ZSCAN20: variants seen among roughly 807,000 people sequenced by gnomAD.
The protein encoded by ZSCAN20 is zinc finger and SCAN domain-containing protein 20.
In ZSCAN20, 39 loss-of-function variants were observed where a neutral mutation model predicts 97.1. The observed-to-expected ratio is 0.40, with a 90% CI of 0.31 to 0.52. ZSCAN20 has a LOEUF of 0.52. Ranked by LOEUF, ZSCAN20 falls within the 20% of genes least tolerant of loss-of-function variation. The pLI is 0.49. For missense variants in ZSCAN20, 1,115 were observed against 1,290.4 expected (o/e 0.86, Z 2.08); for synonymous variants, 456 against 467.3 (o/e 0.98, Z 0.31).
At position 33,501,624 on chromosome 1, in the gene ZSCAN20, T is replaced by TA. The variant is rs1653077415; in HGVS notation, c.*6149dup. Among the ~76,000 whole-genome samples, 1 of 150,814 alleles carries TA rather than the reference T, an allele frequency of 6.6e-6. No individual in the cohort carries two copies. The highest frequency in any genetic ancestry group is 1.5e-5 in the Non-Finnish European group (1 of 67,886). Reference sequence around the variant, plus strand: ...GGAATGGCCTGATAAGTTAATAAATTATATTAAACTGCCAAAAAAGGAATG... The same window carrying TA: ...GGAATGGCCTGATAAGTTAATAAATTAATATTAAACTGCCAAAAAAGGAATG... On this transcript the variant is annotated 3_prime_UTR_variant, in exon 8 of 8. Coordinates refer to ENST00000684572, the MANE Select transcript of ZSCAN20 (RefSeq NM_001377376.1).
At chr1:33,488,385 T>G in intron 2 of ZSCAN20, 80 bp from the exon 3 acceptor site, 3 of 1,422,018 alleles carry the variant, frequency 2.1e-6, no homozygotes, top group Non-Finnish European at 2.9e-6. Flanking sequence ...CCTGTTAGCC[T>G]CTGGACTGCA....
intron 5 of ZSCAN20, 68 bp from the exon 6 acceptor site, chr1:33,490,956 AG>A: frequency 7.0e-7 from 1 of 1,422,450 alleles, no homozygotes; most frequent in Non-Finnish European, 9.5e-7. Context: ...TAGAAGTTTC[AG>A]GGAGATTTTG....
rs998715267 is a variant in ZSCAN20, at chr1:33,496,987, C to T, written c.*1511C>T. ...GTTTAAAACTGTTGACCAAGGACTT[C>T]GGTTTCCATAGGACTTTAAAGGAAA... On this transcript the variant is annotated 3_prime_UTR_variant, in exon 8 of 8. Transcript: ENST00000684572. Among the ~76,000 whole-genome samples the T allele has an allele frequency of 3.3e-5, 5 of 152,174 alleles. No homozygotes were observed. Among genetic ancestry groups the T allele is most frequent in the East Asian group, 3.9e-4 (2 of 5,194 alleles).
In ZSCAN20 at chr1:33,479,603, G is replaced by C. The variant is rs761340212; in HGVS notation, c.315G>C (p.Arg105Ser). Reference protein sequence around the residue: ...VLEQFLTILPREVQTWVQARH... With the variant: ...VLEQFLTILPSEVQTWVQARH... ...AGCAGTTCCTGACTATCTTGCCTAG[G>C]GAGGTCCAGACCTGGGTGCAGGCAC... is the stretch of plus-strand genomic sequence containing the variant. The change falls in exon 2 of 8, where the codon AGG becomes AGC. Residue 105 changes from arginine (R) to serine (S), a missense_variant. Coordinates refer to ENST00000684572, the MANE Select transcript of ZSCAN20 (RefSeq NM_001377376.1). 2 of 1,613,728 alleles carry C rather than the reference G, an allele frequency of 1.2e-6. No homozygotes were observed. Among genetic ancestry groups the C allele is most frequent in the South Asian group, 2.2e-5 (2 of 91,032 alleles).
At chr1:33,480,247 G>A (rs779341157) in intron 2 of ZSCAN20, among the ~76,000 whole-genome samples, 4 of 152,164 alleles carry the variant, frequency 2.6e-5, no homozygotes, top group African/African-American at 9.7e-5. Flanking sequence ...GGTGGCTCAC[G>A]CCTGTAATCC....
At position 33,491,729 on chromosome 1, in the gene ZSCAN20, T is replaced by G; in HGVS notation, c.1444+27T>G. The G allele has an allele frequency of 6.5e-7, 1 of 1,533,346 alleles. No homozygotes were observed. The highest frequency in any genetic ancestry group is 8.8e-7 in the Non-Finnish European group (1 of 1,142,758). 95.0% of individuals were successfully genotyped at this position (1,533,346 alleles called of 1,614,324 possible). A position where few individuals can be genotyped will look rare whatever the true frequency, so the allele number is the denominator to read the frequency against. ...TAAGAACATGGGGGTTTAGTCAGATTCAGATTTCCAACCCTCCTACCAGCT... is the reference window on the plus strand; with the variant it reads ...TAAGAACATGGGGGTTTAGTCAGATGCAGATTTCCAACCCTCCTACCAGCT... On this transcript the variant is annotated intron_variant, in intron 6 of 7. Transcript: ENST00000684572. This position sits in a 1 kb window ranked among gnomAD's most constrained non-coding sequence, Gnocchi z 4.3.
At chr1:33,489,057 G>C (rs1450914074) in intron 3 of ZSCAN20, 58 bp from the exon 4 acceptor site, 2 of 1,470,168 alleles carry the variant, frequency 1.4e-6, no homozygotes, top group African/African-American at 2.8e-5. Context: ...CAATCTCAAA[G>C]GGAGGTGATT....
chr1:33,485,090 T>C lies in ZSCAN20; in HGVS notation c.418-3375T>C, dbSNP rs148074914. 2.1e-3 allele frequency among the ~76,000 whole-genome samples: 325 copies of C among 152,356 alleles called. 2 individuals are homozygous for C. The highest frequency in any genetic ancestry group is 7.6e-3 in the African/African-American group (314 of 41,588). The stretch of plus-strand genomic sequence containing the variant: ...ATAGTAGAGAATTGTTATAATTTCT[T>C]CCTTAAATGTTTGGTAGAATTCACC... On this transcript the variant is annotated intron_variant, in intron 2 of 7. Coordinates refer to ENST00000684572, the MANE Select transcript of ZSCAN20 (RefSeq NM_001377376.1).
intron 1 of ZSCAN20, among the ~76,000 whole-genome samples, chr1:33,478,848 C>T (rs559820437): frequency 2.6e-5 from 4 of 152,272 alleles, no homozygotes; most frequent in African/African-American, 7.2e-5. Flanking sequence ...GGTGTTCAGG[C>T]ATGACCTAGA....
In ZSCAN20 at chr1:33,495,472, C is replaced by T. The variant is rs755095259; in HGVS notation, c.3128C>T (p.Ser1043Leu). The T allele has an allele frequency of 1.7e-5, 25 of 1,512,592 alleles. 1 individual carries two copies. The South Asian group carries it at 2.1e-4, about 12-fold the overall frequency. The allele number at this position is 1,512,592 out of a possible 1,614,324, so 93.7% of individuals were successfully genotyped here. A position where few individuals can be genotyped will look rare whatever the true frequency, so the allele number is the denominator to read the frequency against. ...AGAACCCATGCAGGAGGGAAGGCGT[C>T]GTAGGGGACAGTTTCCTCAACAACA... is the stretch of plus-strand genomic sequence containing the variant. Reference protein sequence around the residue: ...HRRTHAGGKAS With the variant: ...HRRTHAGGKAL Residue 1043 changes from serine to leucine, a missense_variant, in exon 8 of 8, where the codon TCG (serine) becomes TTG (leucine). Ser to Leu is a moderately radical substitution (Grantham distance 145). Coordinates refer to ENST00000684572, the MANE Select transcript of ZSCAN20 (RefSeq NM_001377376.1).
At position 33,495,351 on chromosome 1, in the gene ZSCAN20, A is replaced by G. The variant is rs770096234; in HGVS notation, c.3007A>G (p.Ile1003Val). 6 of 1,613,464 alleles carry G rather than the reference A, an allele frequency of 3.7e-6. No individual in the cohort carries two copies. In the East Asian group the frequency reaches 1.1e-4, roughly 30 times the overall value. The change falls in exon 8 of 8, where the codon ATT becomes GTT. Residue 1003 changes from isoleucine (I) to valine (V), a missense_variant. Ile to Val is a conservative substitution (Grantham distance 29). This residue lies in a region of ZSCAN20 where 554 missense variants were observed against 584.9 expected (regional missense o/e 0.95). Coordinates refer to ENST00000684572, the MANE Select transcript of ZSCAN20 (RefSeq NM_001377376.1). ...GKCFNQSSSLIIHQRIHTGEK... is the reference protein window; with the variant it reads ...GKCFNQSSSLVIHQRIHTGEK... ...ATGCTTTAACCAGAGCTCCAGTCTT[A>G]TTATTCACCAGAGAATCCACACAGG...
Position 33,494,226 on chromosome 1 carries a change from A to G in ZSCAN20, c.1882A>G (p.Met628Val). ...CPKAPDMGFE[M>V]RHEDEDQISE... ...TCTGTCCATTTTTTCAGGTTTTGAA[A>G]TGAGGCATGAGGATGAAGACCAGAT... The change falls in exon 8 of 8, where the codon ATG becomes GTG. Residue 628 changes from methionine (M) to valine (V), a missense_variant. Transcript: ENST00000684572. 1 of 1,558,294 alleles carries G rather than the reference A, an allele frequency of 6.4e-7. No individual in the cohort carries two copies. The highest frequency in any genetic ancestry group is 8.7e-7 in the Non-Finnish European group (1 of 1,154,638).
chr1:33,495,018 A>G lies in ZSCAN20; in HGVS notation c.2674A>G (p.Ser892Gly). Residue 892 changes from serine (S) to glycine (G), a missense_variant, in exon 8 of 8, where the codon AGT becomes GGT. Coordinates refer to ENST00000684572, the MANE Select transcript of ZSCAN20 (RefSeq NM_001377376.1). ...RSFSKSSALI[S>G]HQRIHTGEKP... ...CTTCTCTAAGAGCTCTGCCCTCATT[A>G]GTCACCAAAGAATCCATACGGGAGA... 1 of 1,614,066 alleles carries G rather than the reference A, an allele frequency of 6.2e-7. No individual in the cohort carries two copies.
rs766238622 is a variant in ZSCAN20 at position 33,479,628 on chromosome 1, C to A, written c.340C>A (p.Arg114Ser). Residue 114 changes from arginine (R) to serine (S), a missense_variant, in exon 2 of 8, where the codon CGC (arginine) becomes AGC (serine). Transcript: ENST00000684572. The stretch of plus-strand genomic sequence containing the variant: ...GGAGGTCCAGACCTGGGTGCAGGCA[C>A]GCCACCCTGAGAGTGGTGAGGAGGC... ...PREVQTWVQA[R>S]HPESGEEAVA... is the part of the protein sequence containing the mutation. The A allele has an allele frequency of 6.2e-7, 1 of 1,611,578 alleles. No homozygotes were observed.
chr1:33,488,602 T>G lies in ZSCAN20; in HGVS notation c.555T>G (p.Leu185=). 1 of 1,613,296 alleles carries G rather than the reference T, an allele frequency of 6.2e-7. No homozygotes were observed. The highest frequency in any genetic ancestry group is 8.5e-7 in the Non-Finnish European group (1 of 1,179,738). ...GGGTGAAGAATACATGCCCTGACCT[T>G]CCCAATCACCTAAATGCCGAGGTGG... ...KKGVKNTCPD[L]PNHLNAEVAP... The change falls in exon 3 of 8, where the codon CTT becomes CTG. Residue 185 remains leucine (L), a synonymous_variant. Transcript: ENST00000684572.
Position 33,491,643 on chromosome 1 carries a change from T to C in ZSCAN20, c.1385T>C (p.Val462Ala). The change falls in exon 6 of 8, where the codon GTT becomes GCT. Residue 462 changes from valine (V) to alanine (A), a missense_variant. Coordinates refer to ENST00000684572, the MANE Select transcript of ZSCAN20 (RefSeq NM_001377376.1). This position sits in a 1 kb window ranked among gnomAD's most constrained non-coding sequence, Gnocchi z 4.3. ...EDCNGAGLVN[V>A]ESTQGPRIAG... ...TGTAACGGTGCTGGCCTGGTCAATG[T>C]TGAGTCTACCCAGGGGCCCAGGATT... 1.2e-6 allele frequency: 2 copies of C among 1,613,976 alleles called. No homozygotes were observed. Among genetic ancestry groups the C allele is most frequent in the Non-Finnish European group, 1.7e-6 (2 of 1,179,932 alleles).
Position 33,475,919 on chromosome 1 carries a change from C to T in ZSCAN20, c.-111+3228C>T, listed in dbSNP as rs529682875. ...TCCTGACCTTGTGATCTCCCTGCCT[C>T]GGCCTCCCAAAGTGCTGGGATTACA... On this transcript the variant is annotated intron_variant, in intron 1 of 7. Transcript: ENST00000684572. 2.4e-4 allele frequency among the ~76,000 whole-genome samples: 36 copies of T among 152,044 alleles called. No homozygotes were observed. The South Asian group carries it at 3.5e-3, about 15-fold the overall frequency.
chr1:33,497,654 G>A lies in ZSCAN20; in HGVS notation c.*2178G>A, dbSNP rs1034555280. Among the ~76,000 whole-genome samples, 6 of 152,120 alleles carry A rather than the reference G, an allele frequency of 3.9e-5. No individual in the cohort carries two copies. The highest frequency in any genetic ancestry group is 1.4e-4 in the African/African-American group (6 of 41,426). On this transcript the variant is annotated 3_prime_UTR_variant, in exon 8 of 8. Coordinates refer to ENST00000684572, the MANE Select transcript of ZSCAN20 (RefSeq NM_001377376.1). ...ATGCTGCAATTAGGATGGCCTTTTG[G>A]GACACTGTTGTGGTATTTCAGCTAA...
chr1:33,499,392 T>C lies in ZSCAN20; in HGVS notation c.*3916T>C, dbSNP rs752249750. Among the ~76,000 whole-genome samples the C allele has an allele frequency of 2.6e-5, 4 of 151,682 alleles. No homozygotes were observed. The highest frequency in any genetic ancestry group is 5.9e-5 in the Non-Finnish European group (4 of 67,888). ...TCTCTCTTTTCTTCTGTGTAGATGC[T>C]AATGACTTCCAGATCTGTGTCCTGC... is the stretch of plus-strand genomic sequence containing the variant. On this transcript the variant is annotated 3_prime_UTR_variant, in exon 8 of 8. Transcript: ENST00000684572.
Sources: gnomAD v4.1 joint callset for allele counts (sites outside exome capture counted in the v4.1 genomes callset) on GRCh38, gnomAD v4.1.1 for gene constraint, gnomAD v4.1.1 regional missense constraint, Gnocchi (gnomAD v3.1) non-coding constraint, MANE v1.5 for transcripts, NCBI Gene and HGNC (gene_info 2026-07-23, HGNC 2026-07-21) for gene names.